The following NRG3 variants were observed in gnomAD, a reference collection of about 807,000 sequenced individuals.
The protein encoded by NRG3 is pro-neuregulin-3, membrane-bound isoform.
Under a neutral mutation model 66.9 loss-of-function variants are expected in NRG3, and 31 were observed. The observed-to-expected ratio is 0.46, with a 90% CI of 0.35 to 0.63. The LOEUF (loss-of-function observed/expected upper bound fraction) is 0.63. Ranked by LOEUF, NRG3 falls within the 20% of genes least tolerant of loss-of-function variation. NRG3 has a pLI of 0.00. For synonymous variants in NRG3, 393 were observed against 359.4 expected (o/e 1.09, Z -1.06); for missense variants, 910 against 878.9 (o/e 1.04, Z -0.45).
rs192668963 is a variant in NRG3, at chr10:82,203,889, G to T, written c.824-154850G>T. Among the ~76,000 whole-genome samples the T allele has an allele frequency of 5.6e-3, 858 of 152,226 alleles. 7 individuals are homozygous for T. The highest frequency in any genetic ancestry group is 0.018 in the African/African-American group (760 of 41,544). ...AGAATATTTAGCATTCTCTAATGCA[G>T]TCTACTGCATTAAGTCAGGTTTGCA... On this transcript the variant is annotated intron_variant, in intron 1 of 8. Coordinates refer to ENST00000372141, the MANE Select transcript of NRG3 (RefSeq NM_001010848.4).
chr10:82,797,591 A>C (rs922935136), intron 3 of NRG3, among the ~76,000 whole-genome samples: 5 of 152,042 alleles, frequency 3.3e-5, no homozygotes, highest in African/African-American at 1.2e-4. Flanking sequence ...CATTATATCA[A>C]ATGTCCTTGT....
At chr10:82,396,999 G>A (rs2086756164) in intron 2 of NRG3, among the ~76,000 whole-genome samples, 1 of 152,048 alleles carries the variant, frequency 6.6e-6, no homozygotes, top group Non-Finnish European at 1.5e-5. Flanking sequence ...TCTCATTCTT[G>A]TCTTTCTGTG....
chr10:82,260,106 G>A (rs914318663), intron 1 of NRG3, among the ~76,000 whole-genome samples: 1 of 152,168 alleles, frequency 6.6e-6, no homozygotes, highest in African/African-American at 2.4e-5. Context: ...GACAGGGTTG[G>A]TTCATAAATG....
intron 2 of NRG3, among the ~76,000 whole-genome samples, chr10:82,594,562 A>G (rs1168863923): frequency 5.9e-5 from 9 of 152,188 alleles, no homozygotes; most frequent in African/African-American, 2.2e-4. Context: ...TCTCATCCAC[A>G]CTACTGGTGC....
At chr10:82,136,706 G>A (rs980417655) in intron 1 of NRG3, among the ~76,000 whole-genome samples, 2 of 151,380 alleles carry the variant, frequency 1.3e-5, no homozygotes, top group African/African-American at 4.9e-5. Context: ...TGTTTATTCA[G>A]GACCCAAGGG....
intron 2 of NRG3, among the ~76,000 whole-genome samples, chr10:82,392,764 A>G (rs1286106195): frequency 6.6e-6 from 1 of 152,136 alleles, no homozygotes. Flanking sequence ...TGTATCAGTG[A>G]GATATTGATC....
chr10:82,608,887 C>A (rs1223769858), intron 2 of NRG3, among the ~76,000 whole-genome samples: 1 of 152,112 alleles, frequency 6.6e-6, no homozygotes, highest in Non-Finnish European at 1.5e-5. Context: ...AAATGTATCA[C>A]CCCTCCCCCT....
intron 2 of NRG3, among the ~76,000 whole-genome samples, chr10:82,668,826 G>A (rs757422486): frequency 2.0e-4 from 30 of 152,234 alleles, no homozygotes; most frequent in Non-Finnish European, 3.5e-4. Context: ...AGAAGGAAAC[G>A]AGTATGAATT....
chr10:82,714,307 A>C (rs2134427005), intron 2 of NRG3, among the ~76,000 whole-genome samples: 1 of 152,208 alleles, frequency 6.6e-6, no homozygotes, highest in East Asian at 1.9e-4. Flanking sequence ...CCATGTTAAA[A>C]AAAAATGTGG....
chr10:82,345,679 ATT>A (rs2082969659), intron 1 of NRG3, among the ~76,000 whole-genome samples: 1 of 151,870 alleles, frequency 6.6e-6, no homozygotes, highest in South Asian at 2.1e-4. Context: ...CACGATATTG[ATT>A]CTTCCTACCC....
chr10:82,184,261 C>G (rs2073645630), intron 1 of NRG3, among the ~76,000 whole-genome samples: 1 of 152,126 alleles, frequency 6.6e-6, no homozygotes, highest in Non-Finnish European at 1.5e-5. Context: ...CTGCTTAGTA[C>G]AAATCAGCTG....
At chr10:82,337,474 C>T (rs2347882) in intron 1 of NRG3, among the ~76,000 whole-genome samples, 22,435 of 152,178 alleles carry the variant, frequency 0.15, 1,800 homozygotes, top group East Asian at 0.3. Context: ...CACTCATAAA[C>T]AAGTATGAAC....
intron 3 of NRG3, among the ~76,000 whole-genome samples, chr10:82,809,244 GA>G (rs894222562): frequency 1.6e-4 from 24 of 151,600 alleles, no homozygotes; most frequent in Admixed American, 1.4e-3. Context: ...ATGTAAAGGA[GA>G]AAAAAAATGA....
chr10:82,308,889 G>A (rs77934664), intron 1 of NRG3, among the ~76,000 whole-genome samples: 39 of 152,276 alleles, frequency 2.6e-4, no homozygotes, highest in South Asian at 2.5e-3. Context: ...TGAAAGCAGC[G>A]TGGGTTCTCT....
At chr10:82,868,108 G>A (rs918249670) in intron 4 of NRG3, among the ~76,000 whole-genome samples, 1 of 152,150 alleles carries the variant, frequency 6.6e-6, no homozygotes, top group African/African-American at 2.4e-5. Flanking sequence ...GTGTAGCCAT[G>A]GCTGTAGCAA....
intron 1 of NRG3, chr10:82,229,169 CT>C (rs1406707788): frequency 2.0e-5 from 3 of 152,302 alleles, no homozygotes; most frequent in African/African-American, 7.2e-5. Flanking sequence ...AGCATATAGT[CT>C]ATGAAGACTC....
intron 3 of NRG3, among the ~76,000 whole-genome samples, chr10:82,788,500 G>A (rs1490711244): frequency 1.3e-5 from 2 of 152,156 alleles, no homozygotes; most frequent in South Asian, 2.1e-4. Context: ...AACCCAGGAG[G>A]AGGAGGTTGC....
At chr10:82,383,810 T>C (rs925036772) in intron 2 of NRG3, among the ~76,000 whole-genome samples, 3 of 151,914 alleles carry the variant, frequency 2.0e-5, no homozygotes, top group Non-Finnish European at 2.9e-5. Context: ...AATGGTTAAA[T>C]AAATGATAAT....
chr10:82,076,476 T>C (rs1303106575), intron 1 of NRG3, among the ~76,000 whole-genome samples: 1 of 152,196 alleles, frequency 6.6e-6, no homozygotes, highest in Non-Finnish European at 1.5e-5. Context: ...CCTGTTGATA[T>C]AGTTTGGTTG....
Sources: gnomAD v4.1 joint callset for allele counts (sites outside exome capture counted in the v4.1 genomes callset) on GRCh38, gnomAD v4.1.1 for gene constraint, MANE v1.5 for transcripts, NCBI Gene and HGNC (gene_info 2026-07-23, HGNC 2026-07-21) for gene names.